Variants in OSBPL10 observed in about 807,000 individuals in gnomAD.
The protein encoded by OSBPL10 is oxysterol binding protein like 10.
Under a neutral mutation model 81.7 loss-of-function variants are expected in OSBPL10, and 49 were observed. The ratio of observed to expected loss-of-function variants is 0.60; its 90% CI spans 0.48 to 0.76. The LOEUF (loss-of-function observed/expected upper bound fraction) is 0.76, where lower values mean the gene tolerates loss of function less well. Among genes scored for constraint, OSBPL10 ranks in the 30% least tolerant of loss-of-function variants. The pLI is 0.00. For synonymous variants in OSBPL10, 419 were observed against 383.6 expected (o/e 1.09, Z -1.08); for missense variants, 923 against 987.8 (o/e 0.93, Z 0.88).
chr3:31,792,400 C>G (rs963552759), intron 4 of OSBPL10, among the ~76,000 whole-genome samples: 14 of 152,146 alleles, frequency 9.2e-5, no homozygotes, highest in African/African-American at 3.4e-4. Flanking sequence ...TTGAGGGCAG[C>G]TCTCAAACAC....
At chr3:31,827,238 A>G (rs1700121993) in intron 4 of OSBPL10, among the ~76,000 whole-genome samples, 1 of 152,142 alleles carries the variant, frequency 6.6e-6, no homozygotes, top group Non-Finnish European at 1.5e-5. Context: ...TCATATCATG[A>G]AACTCTATGG....
intron 4 of OSBPL10, among the ~76,000 whole-genome samples, chr3:31,748,388 C>A (rs1575519150): frequency 6.6e-6 from 1 of 152,146 alleles, no homozygotes; most frequent in Admixed American, 6.5e-5. Context: ...TTTTACAGAT[C>A]TTCTGGAGGT....
chr3:31,678,782 C>CTGTGTGTGTGTG (rs67616509), intron 8 of OSBPL10, among the ~76,000 whole-genome samples: 1,456 of 135,594 alleles, frequency 0.011, 21 homozygotes, highest in African/African-American at 0.013. Flanking sequence ...CAGATTCAAA[C>CTGTGTGTGTGTG]TGTGTGTGTG....
At chr3:31,702,268 C>T in intron 7 of OSBPL10, 91 bp downstream of exon 7, 5 of 1,456,424 alleles carry the variant, frequency 3.4e-6, no homozygotes, top group Non-Finnish European at 4.7e-6. Context: ...TCCAATCTCA[C>T]CACAACGAAA....
intron 3 of OSBPL10, among the ~76,000 whole-genome samples, chr3:31,837,989 C>A (rs550154924): frequency 2.0e-5 from 3 of 151,910 alleles, no homozygotes; most frequent in Admixed American, 1.3e-4. Flanking sequence ...ATAAAAATTC[C>A]GGCAGGATTT....
intron 1 of OSBPL10, among the ~76,000 whole-genome samples, chr3:31,884,141 A>G (rs1156953338): frequency 1.3e-5 from 2 of 152,256 alleles, no homozygotes; most frequent in Non-Finnish European, 2.9e-5. Context: ...TTCAGTAAGT[A>G]TGACAGAATA....
rs1697033593 is a variant in OSBPL10 at position 31,733,313 on chromosome 3, A to C, written c.1039T>G (p.Trp347Gly). ...TCAGCAGAGTTTGGTAAAATTGCCC[A>C]GGTTATGTTGGCACTGGCTGATGGC... The part of the protein sequence containing the change: ...SLPSASANIT[W>G]AILPNSAEDE... The change falls in exon 6 of 12, where the codon TGG (tryptophan) becomes GGG (glycine). Residue 347 changes from tryptophan to glycine, a missense_variant. Physicochemically the swap from Trp to Gly is radical, Grantham distance 184. Around this residue, in one of 3 missense-constraint regions of OSBPL10, gnomAD observed 514 missense variants for 508.0 expected, o/e 1.01. Transcript: ENST00000396556. The C allele has an allele frequency of 6.2e-7, 1 of 1,612,386 alleles. No homozygotes were observed. The highest frequency in any genetic ancestry group is 8.5e-7 in the Non-Finnish European group (1 of 1,179,684).
chr3:32,067,801 A>G (rs986378166), intron 1 of OSBPL10, among the ~76,000 whole-genome samples: 2 of 152,184 alleles, frequency 1.3e-5, no homozygotes, highest in Non-Finnish European at 2.9e-5. Context: ...ATGAGAACTA[A>G]TGATAATCCC....
intron 5 of OSBPL10, among the ~76,000 whole-genome samples, chr3:31,737,597 G>A (rs905044789): frequency 2.0e-5 from 3 of 152,122 alleles, no homozygotes; most frequent in South Asian, 2.1e-4. Flanking sequence ...GGAAATAGTG[G>A]AATCAACACC....
At chr3:31,798,411 C>T (rs574343576) in intron 4 of OSBPL10, among the ~76,000 whole-genome samples, 1 of 138,198 alleles carries the variant, frequency 7.2e-6, no homozygotes, top group African/African-American at 2.7e-5. Flanking sequence ...GCCTGGGTGA[C>T]AAGAGCAAAA....
chr3:32,012,069 T>C (rs1434372969), intron 2 of OSBPL10, among the ~76,000 whole-genome samples: 1 of 152,140 alleles, frequency 6.6e-6, no homozygotes, highest in Non-Finnish European at 1.5e-5. Context: ...CAGGCCAACA[T>C]TCAAATTCAG....
chr3:31,760,962 G>C (rs1245079809), intron 4 of OSBPL10, among the ~76,000 whole-genome samples: 2 of 151,648 alleles, frequency 1.3e-5, no homozygotes, highest in Non-Finnish European at 1.5e-5. Flanking sequence ...TCTAGAAGAG[G>C]AACTGCTAAG....
chr3:31,889,121 C>G (rs1695818819), intron 1 of OSBPL10, among the ~76,000 whole-genome samples: 1 of 152,068 alleles, frequency 6.6e-6, no homozygotes, highest in Admixed American at 6.6e-5. Context: ...CCCCAGCTCG[C>G]ATGGCTATTA....
intron 1 of OSBPL10, among the ~76,000 whole-genome samples, chr3:31,959,170 T>C (rs2125459303): frequency 6.6e-6 from 1 of 152,234 alleles, no homozygotes; most frequent in Middle Eastern, 3.4e-3. Context: ...CCTAAAGAAA[T>C]GCTACGAGAT....
chr3:31,702,284 G>A lies in OSBPL10; in HGVS notation c.1245+75C>T, dbSNP rs1055905128. The A allele has an allele frequency of 4.6e-6, 7 of 1,516,880 alleles. No individual in the cohort carries two copies. The African/African-American group carries it at 8.3e-5, about 18-fold the overall frequency. The allele number at this position is 1,516,880 out of a possible 1,614,324, so 94.0% of individuals were successfully genotyped here. A position where few individuals can be genotyped will look rare whatever the true frequency, so the allele number is the denominator to read the frequency against. The stretch of plus-strand genomic sequence containing the variant: ...CCAATCTCACCACAACGAAAAGAAT[G>A]TGCATAGAGAAGGCTTGAGGATAGA... On this transcript the variant is annotated intron_variant, in intron 7 of 11. Coordinates refer to ENST00000396556, the MANE Select transcript of OSBPL10 (RefSeq NM_017784.5).
chr3:31,732,755 T>G, intron 6 of OSBPL10: 1 of 173,408 alleles, frequency 5.8e-6, no homozygotes, highest in Non-Finnish European at 1.2e-5. Flanking sequence ...GCAGTGCATA[T>G]CCTCGGCAGC....
At chr3:31,930,906 C>T (rs1040815757) in intron 1 of OSBPL10, among the ~76,000 whole-genome samples, 6 of 148,122 alleles carry the variant, frequency 4.1e-5, no homozygotes, top group African/African-American at 1.5e-4. Flanking sequence ...CCCAGCTACT[C>T]GGGAGGCTGA....
intron 4 of OSBPL10, among the ~76,000 whole-genome samples, chr3:31,754,382 T>C (rs1313410073): frequency 6.6e-6 from 1 of 151,916 alleles, no homozygotes; most frequent in Non-Finnish European, 1.5e-5. Context: ...ACGGTGGCAA[T>C]AACGGACAAG....
At chr3:32,070,104 C>G (rs1052115294) in intron 1 of OSBPL10, among the ~76,000 whole-genome samples, 4 of 152,328 alleles carry the variant, frequency 2.6e-5, no homozygotes, top group African/African-American at 9.6e-5. Flanking sequence ...TGGAAGCCCC[C>G]TGGACCATCA....
Sources: allele counts gnomAD v4.1 joint callset (sites outside exome capture counted in the v4.1 genomes callset), GRCh38; gene constraint gnomAD v4.1.1; regional missense constraint gnomAD v4.1.1; transcripts MANE v1.5; gene names NCBI Gene and HGNC (gene_info 2026-07-23, HGNC 2026-07-21).